SNX1: variants seen among roughly 807,000 people sequenced by gnomAD.
The protein encoded by SNX1 is sorting nexin-1.
SNX1 carries 36 observed loss-of-function variants against 71.8 expected under a neutral mutation model. The observed-to-expected ratio is 0.50, with a 90% CI of 0.38 to 0.66. The LOEUF (loss-of-function observed/expected upper bound fraction) is 0.66. SNX1 is among the 30% of genes least tolerant of loss of function. The pLI is 0.00. For synonymous variants in SNX1, 254 were observed against 240.7 expected (o/e 1.06, Z -0.51); for missense variants, 612 against 646.7 (o/e 0.95, Z 0.58).
intron 14 of SNX1, 89 bp downstream of exon 14, chr15:64,137,021 C>G: frequency 2.9e-6 from 3 of 1,026,970 alleles, no homozygotes; most frequent in Admixed American, 3.8e-5. Context: ...GATGTGCAGG[C>G]CCTGCTTCTG....
At chr15:64,109,882 T>C (rs1319850642) in intron 1 of SNX1, among the ~76,000 whole-genome samples, 1 of 152,216 alleles carries the variant, frequency 6.6e-6, no homozygotes, top group African/African-American at 2.4e-5. Flanking sequence ...GATGCCGCAC[T>C]CTTACACACT....
intron 5 of SNX1, among the ~76,000 whole-genome samples, chr15:64,123,893 G>A (rs754263522): frequency 5.3e-5 from 8 of 152,000 alleles, no homozygotes; most frequent in Non-Finnish European, 1.2e-4. Context: ...GTTTCAGAGA[G>A]CTTTTTTAAA....
At chr15:64,109,380 T>G (rs924074223) in intron 1 of SNX1, among the ~76,000 whole-genome samples, 5 of 152,110 alleles carry the variant, frequency 3.3e-5, no homozygotes, top group African/African-American at 1.2e-4. Context: ...CACACCTAAG[T>G]AATGCCAACT....
At chr15:64,136,061 C>T (rs1297140995) in intron 12 of SNX1, among the ~76,000 whole-genome samples, 2 of 152,318 alleles carry the variant, frequency 1.3e-5, no homozygotes, top group East Asian at 1.9e-4. Flanking sequence ...AAACTGGAGG[C>T]TGCTGGCATG....
At chr15:64,101,104 A>C (rs1169665627) in intron 1 of SNX1, among the ~76,000 whole-genome samples, 1 of 152,206 alleles carries the variant, frequency 6.6e-6, no homozygotes, top group African/African-American at 2.4e-5. Flanking sequence ...GCTTGGCCCA[A>C]AAACAATCTT....
intron 4 of SNX1, among the ~76,000 whole-genome samples, chr15:64,120,266 C>CTTTTT (rs35526278): frequency 8.9e-5 from 6 of 67,096 alleles, no homozygotes; most frequent in Non-Finnish European, 1.7e-4. Flanking sequence ...AAATGGTTGT[C>CTTTTT]TTTTTTTTTT....
intron 4 of SNX1, among the ~76,000 whole-genome samples, chr15:64,121,233 G>A (rs2081193580): frequency 1.3e-5 from 2 of 152,208 alleles, no homozygotes; most frequent in East Asian, 1.9e-4. Flanking sequence ...GGCTGCTGTA[G>A]CAAAGTACCA....
intron 1 of SNX1, among the ~76,000 whole-genome samples, chr15:64,108,183 ACT>A (rs1367019004): frequency 1.3e-5 from 2 of 148,744 alleles, no homozygotes; most frequent in Admixed American, 6.8e-5. Context: ...ACAGAGTGAG[ACT>A]CTGTCTCAAA....
chr15:64,111,123 T>A (rs1392207157), intron 1 of SNX1, among the ~76,000 whole-genome samples: 1 of 152,236 alleles, frequency 6.6e-6, no homozygotes, highest in Non-Finnish European at 1.5e-5. Context: ...TCACATGAGA[T>A]CTATGTACTG....
chr15:64,136,383 G>A lies in SNX1; in HGVS notation c.1419G>A (p.Val473=), dbSNP rs771742065. 1 of 1,614,030 alleles carries A rather than the reference G, an allele frequency of 6.2e-7. No individual in the cohort carries two copies. Among genetic ancestry groups the A allele is most frequent in the Non-Finnish European group, 8.5e-7 (1 of 1,179,906 alleles). The change falls in exon 13 of 15, where the codon GTG becomes GTA. Residue 473 remains valine (V), a synonymous_variant. Transcript: ENST00000559844. The part of the protein sequence containing the change: ...YERDFERIST[V]VRKEVIRFEK... ...GGGACTTCGAGAGGATTTCAACAGTGGTCCGAAAAGAAGTGATACGGTTTG... is the reference window on the plus strand; with the variant it reads ...GGGACTTCGAGAGGATTTCAACAGTAGTCCGAAAAGAAGTGATACGGTTTG...
At chr15:64,103,776 A>T (rs2080989025) in intron 1 of SNX1, among the ~76,000 whole-genome samples, 1 of 152,228 alleles carries the variant, frequency 6.6e-6, no homozygotes, top group South Asian at 2.1e-4. Flanking sequence ...GTTCCCAAAG[A>T]TATAACACAT....
chr15:64,097,718 G>C (rs928973131), intron 1 of SNX1, among the ~76,000 whole-genome samples: 2 of 152,236 alleles, frequency 1.3e-5, no homozygotes, highest in Non-Finnish European at 2.9e-5. Context: ...ACTTGGTATA[G>C]GTTGTTCCAG....
intron 2 of SNX1, among the ~76,000 whole-genome samples, chr15:64,116,878 G>T (rs769651754): frequency 6.6e-6 from 1 of 152,200 alleles, no homozygotes. Context: ...GAGTCGTTCT[G>T]TTCAACTGAG....
At chr15:64,124,026 A>T (rs1248799438) in intron 5 of SNX1, among the ~76,000 whole-genome samples, 1 of 151,594 alleles carries the variant, frequency 6.6e-6, no homozygotes, top group East Asian at 1.9e-4. Flanking sequence ...ACTTACCACT[A>T]GTCTTAAAGT....
At position 64,123,506 on chromosome 15, in the gene SNX1, A is replaced by G; in HGVS notation, c.470A>G (p.Asp157Gly). 6.2e-7 allele frequency: 1 copy of G among 1,613,432 alleles called. No individual in the cohort carries two copies. The highest frequency in any genetic ancestry group is 1.1e-5 in the South Asian group (1 of 90,998). Residue 157 changes from aspartate (D) to glycine (G), a missense_variant, in exon 5 of 15, where the codon GAT (aspartate) becomes GGT (glycine). Transcript: ENST00000559844. ...CTGCTTTCTTGTTCTCTCACAGGGG[A>G]TGGTATGAATGCATATGTAGCCTAC... is the stretch of plus-strand genomic sequence containing the variant. ...VGITDPEKIG[D>G]GMNAYVAYKV... is the part of the protein sequence containing the mutation.
chr15:64,125,514 G>A (rs961557874), intron 5 of SNX1, among the ~76,000 whole-genome samples: 14 of 150,580 alleles, frequency 9.3e-5, no homozygotes, highest in African/African-American at 2.7e-4. Context: ...GCATGGTAGC[G>A]TGTGCCTGTA....
intron 4 of SNX1, among the ~76,000 whole-genome samples, chr15:64,119,606 C>T (rs930583598): frequency 3.3e-5 from 5 of 151,998 alleles, no homozygotes; most frequent in Admixed American, 2.6e-4. Flanking sequence ...CGCCTATAAT[C>T]GCACCTACTC....
Position 64,137,752 on chromosome 15 carries a change from A to G in SNX1, c.*134A>G, listed in dbSNP as rs753887626. 217 of 1,501,872 alleles carry G rather than the reference A, an allele frequency of 1.4e-4. No homozygotes were observed. The highest frequency in any genetic ancestry group is 1.9e-4 in the Non-Finnish European group (210 of 1,120,852). 93.0% of individuals were successfully genotyped at this position (1,501,872 alleles called of 1,614,324 possible). Reference sequence around the variant, plus strand: ...CCCTTCCTCCCTGTCCCCACGACCAACTGTCCCCAGTTACTCTAACCGTTA... The same window carrying G: ...CCCTTCCTCCCTGTCCCCACGACCAGCTGTCCCCAGTTACTCTAACCGTTA... On this transcript the variant is annotated 3_prime_UTR_variant, in exon 15 of 15. Transcript: ENST00000559844.
At chr15:64,103,936 C>G (rs1182261613) in intron 1 of SNX1, among the ~76,000 whole-genome samples, 2 of 152,070 alleles carry the variant, frequency 1.3e-5, no homozygotes, top group African/African-American at 4.8e-5. Context: ...GGTAAAAATT[C>G]TAGTGTGTAG....
Sources: allele counts gnomAD v4.1 joint callset (sites outside exome capture counted in the v4.1 genomes callset), GRCh38; gene constraint gnomAD v4.1.1; transcripts MANE v1.5; gene names NCBI Gene and HGNC (gene_info 2026-07-23, HGNC 2026-07-21).